ZNF90: variants seen among roughly 807,000 people sequenced by gnomAD.
ZNF90 encodes the protein zinc finger protein HTF9.
Under a neutral mutation model 12.0 loss-of-function variants are expected in ZNF90, and 11 were observed. The observed-to-expected ratio is 0.92, with a 90% CI of 0.58 to 1.52. ZNF90 has a LOEUF of 1.52. Ranked by LOEUF, ZNF90 falls within the 40% of genes most tolerant of loss-of-function variation. The pLI is 0.00. For missense variants in ZNF90, 765 were observed against 711.5 expected (o/e 1.08, Z -0.86); for synonymous variants, 232 against 240.1 (o/e 0.97, Z 0.31).
chr19:20,106,426 C>A (rs1555704473), intron 3 of ZNF90, among the ~76,000 whole-genome samples: 1 of 152,092 alleles, frequency 6.6e-6, no homozygotes, highest in Non-Finnish European at 1.5e-5. Context: ...TTTTGCATTG[C>A]TGTCTGAATT....
intron 2 of ZNF90, among the ~76,000 whole-genome samples, chr19:20,104,895 G>A (rs1313794530): frequency 1.3e-5 from 2 of 152,154 alleles, no homozygotes; most frequent in African/African-American, 4.8e-5. Flanking sequence ...TCTGAAGGCT[G>A]AGGCAGGAGA....
Position 20,118,803 on chromosome 19 carries a change from A to T in ZNF90, c.1249A>T (p.Ile417Leu), listed in dbSNP as rs782571145. 1 of 1,604,816 alleles carries T rather than the reference A, an allele frequency of 6.2e-7. No individual in the cohort carries two copies. Among genetic ancestry groups the T allele is most frequent in the Non-Finnish European group, 8.5e-7 (1 of 1,175,366 alleles). ...KRSSTLTIHKISHTEEKPYKC... is the reference protein window; with the variant it reads ...KRSSTLTIHKLSHTEEKPYKC... ...CTCCTCAACACTTACTATACATAAGATAAGTCATACTGAAGAGAAACCCTA... is the reference window on the plus strand; with the variant it reads ...CTCCTCAACACTTACTATACATAAGTTAAGTCATACTGAAGAGAAACCCTA... The change falls in exon 4 of 4, where the codon ATA becomes TTA. Residue 417 changes from isoleucine to leucine, a missense_variant. Physicochemically the swap from Ile to Leu is conservative, Grantham distance 5 (BLOSUM62 2). Coordinates refer to ENST00000418063, the MANE Select transcript of ZNF90 (RefSeq NM_007138.2).
In ZNF90 at chr19:20,114,960, GAC is replaced by G. The variant is rs1162772120; in HGVS notation, c.227-2814_227-2813del. 2.0e-5 allele frequency among the ~76,000 whole-genome samples: 3 copies of G among 151,990 alleles called. No homozygotes were observed. In the South Asian group the frequency reaches 6.2e-4, roughly 32 times the overall value. On this transcript the variant is annotated intron_variant, in intron 3 of 3. Transcript: ENST00000418063. ...TTATATATTTGAAACCCTAATTTGA[GAC>G]ACACACGCACACAAATACACACATG...
chr19:20,080,302 T>G (rs1286260143), intron 1 of ZNF90: 4 of 547,172 alleles, frequency 7.3e-6, no homozygotes, highest in South Asian at 6.0e-5. Flanking sequence ...GTAGACAACA[T>G]GGACGATCCT....
At position 20,094,430 on chromosome 19, in the gene ZNF90, C is replaced by T. The variant is rs149256535; in HGVS notation, c.4-9809C>T. 3.7e-4 allele frequency among the ~76,000 whole-genome samples: 56 copies of T among 152,326 alleles called. No individual in the cohort carries two copies. In the East Asian group the frequency reaches 6.6e-3, roughly 18 times the overall value. ...AAAGCGTCTAAGGGTTGCTGCTAAG[C>T]GGGCCACGACCTGGGCTGGGTTTTC... is the stretch of plus-strand genomic sequence containing the variant. On this transcript the variant is annotated intron_variant, in intron 1 of 3. Coordinates refer to ENST00000418063, the MANE Select transcript of ZNF90 (RefSeq NM_007138.2).
At position 20,117,893 on chromosome 19, in the gene ZNF90, A is replaced by C. The variant is rs782422186; in HGVS notation, c.339A>C (p.Leu113Phe). ...AACGTGAATATGGCAATTTAGAGTT[A>C]AAAAAAGGTTGTGAAAGTGTGGATG... ...YEKREYGNLE[L>F]KKGCESVDEG... The change falls in exon 4 of 4, where the codon TTA (leucine) becomes TTC (phenylalanine). Residue 113 changes from leucine to phenylalanine, a missense_variant. Coordinates refer to ENST00000418063, the MANE Select transcript of ZNF90 (RefSeq NM_007138.2). The C allele has an allele frequency of 6.2e-7, 1 of 1,610,440 alleles. No homozygotes were observed. Among genetic ancestry groups the C allele is most frequent in the Non-Finnish European group, 8.5e-7 (1 of 1,178,578 alleles).
chr19:20,107,126 T>A, intron 3 of ZNF90: 3 of 404,290 alleles, frequency 7.4e-6, no homozygotes, highest in South Asian at 5.4e-5. Context: ...TTGGCCATGA[T>A]CTGTGGCTCA....
chr19:20,092,331 G>A (rs76748042), intron 1 of ZNF90, among the ~76,000 whole-genome samples: 8 of 152,168 alleles, frequency 5.3e-5, no homozygotes, highest in Non-Finnish European at 4.4e-5. Context: ...GCGGCTGCAC[G>A]GAGACATGAT....
intron 1 of ZNF90, among the ~76,000 whole-genome samples, chr19:20,100,487 C>T (rs1441475115): frequency 2.0e-5 from 3 of 152,218 alleles, no homozygotes; most frequent in African/African-American, 7.2e-5. Context: ...ACTGGAGCCT[C>T]AGGTGCAGTC....
At chr19:20,096,620 A>C (rs2088949008) in intron 1 of ZNF90, among the ~76,000 whole-genome samples, 1 of 152,138 alleles carries the variant, frequency 6.6e-6, no homozygotes, top group African/African-American at 2.4e-5. Context: ...CAGTTAAGGC[A>C]AGGACTGGCC....
intron 3 of ZNF90, among the ~76,000 whole-genome samples, chr19:20,112,176 A>G (rs1202695292): frequency 3.3e-5 from 5 of 150,146 alleles, no homozygotes; most frequent in Non-Finnish European, 7.4e-5. Flanking sequence ...AGATTCACAT[A>G]TTGTTTTTTA....
At chr19:20,116,976 CT>C (rs1340434139) in intron 3 of ZNF90, among the ~76,000 whole-genome samples, 2 of 81,870 alleles carry the variant, frequency 2.4e-5, no homozygotes, top group Admixed American at 2.5e-4. Flanking sequence ...CAATGTTTTT[CT>C]TTAAAAAAAA....
At chr19:20,117,013 T>TTGTG (rs371655051) in intron 3 of ZNF90, among the ~76,000 whole-genome samples, 3,034 of 128,602 alleles carry the variant, frequency 0.024, 85 homozygotes, top group African/African-American at 0.065. Context: ...CAACTTACAT[T>TTGTG]TGTGTGTGTG....
intron 1 of ZNF90, among the ~76,000 whole-genome samples, chr19:20,079,110 G>T (rs1478762950): frequency 8.5e-6 from 1 of 117,318 alleles, no homozygotes; most frequent in Non-Finnish European, 1.6e-5. Context: ...CAGAGGGAGA[G>T]TCCTCAAAAA....
chr19:20,110,568 G>C lies in ZNF90; in HGVS notation c.226+5252G>C, dbSNP rs568656642. ...GCTTGAACCACTGCACCTGGACTTT[G>C]TTACATATTTTGGATATAGATTTCT... On this transcript the variant is annotated intron_variant, in intron 3 of 3. Coordinates refer to ENST00000418063, the MANE Select transcript of ZNF90 (RefSeq NM_007138.2). Among the ~76,000 whole-genome samples, 93 of 152,154 alleles carry C rather than the reference G, an allele frequency of 6.1e-4. 2 individuals carry two copies. The South Asian group carries it at 0.019, about 31-fold the overall frequency.
intron 3 of ZNF90, chr19:20,106,987 CT>C (rs1484962421): frequency 1.8e-5 from 8 of 454,424 alleles, no homozygotes; most frequent in Non-Finnish European, 3.1e-5. Context: ...AGGGCAGACA[CT>C]AGGGCATGTT....
chr19:20,083,652 G>T (rs1171568810), intron 1 of ZNF90, among the ~76,000 whole-genome samples: 1 of 152,030 alleles, frequency 6.6e-6, no homozygotes, highest in Non-Finnish European at 1.5e-5. Context: ...TAAGAATAAT[G>T]ATCTCCAGCA....
At chr19:20,115,944 G>A (rs1303799859) in intron 3 of ZNF90, among the ~76,000 whole-genome samples, 2 of 152,048 alleles carry the variant, frequency 1.3e-5, no homozygotes, top group Non-Finnish European at 2.9e-5. Context: ...TGCAATCTCG[G>A]CTGACTGCAA....
At chr19:20,100,569 G>T (rs1223126558) in intron 1 of ZNF90, among the ~76,000 whole-genome samples, 1 of 152,124 alleles carries the variant, frequency 6.6e-6, no homozygotes, top group Non-Finnish European at 1.5e-5. Flanking sequence ...GACATTGAAG[G>T]CACCCCTCCC....
Sources: gnomAD v4.1 joint callset for allele counts (sites outside exome capture counted in the v4.1 genomes callset) on GRCh38, gnomAD v4.1.1 for gene constraint, MANE v1.5 for transcripts, NCBI Gene and HGNC (gene_info 2026-07-23, HGNC 2026-07-21) for gene names.